Variants in LY6G6C observed in about 807,000 individuals in gnomAD.
LY6G6C encodes lymphocyte antigen 6 family member G6C.
In LY6G6C, 12 loss-of-function variants were observed where a neutral mutation model predicts 12.8. The ratio of observed to expected loss-of-function variants is 0.94; its 90% CI spans 0.60 to 1.52. LY6G6C has a LOEUF of 1.52. Among genes scored for constraint, LY6G6C ranks in the 40% most tolerant of loss-of-function variants. The pLI is 0.00. For missense variants in LY6G6C, 125 were observed against 155.8 expected, an observed-to-expected ratio of 0.80 and a Z score of 1.05; for synonymous variants, 42 against 61.6, an observed-to-expected ratio of 0.68 and a Z score of 1.49.
rs1459274061 is a variant in LY6G6C, at chr6:31,720,249, C to CCTGGGGATA, written c.53-55_53-47dup. On this transcript the variant is annotated intron_variant, in intron 1 of 2. Coordinates refer to ENST00000375819, the MANE Select transcript of LY6G6C (RefSeq NM_025261.3). This position sits in a 1 kb window ranked among gnomAD's most constrained non-coding sequence, Gnocchi z 4.9. The stretch of plus-strand genomic sequence containing the variant: ...CTGAGGTGATGGGGTCTCTGACTTA[C>CCTGGGGATA]CTGGGGATAAGCTGAGCTGGGGGCA... 1 of 1,401,266 alleles carries CCTGGGGATA rather than the reference C, an allele frequency of 7.1e-7. No homozygotes were observed. Among genetic ancestry groups the CCTGGGGATA allele is most frequent in the East Asian group, 2.3e-5 (1 of 43,730 alleles). 86.8% of individuals were successfully genotyped at this position (1,401,266 alleles called of 1,614,324 possible). A position where few individuals can be genotyped will look rare whatever the true frequency, so the allele number is the denominator to read the frequency against.
Position 31,719,215 on chromosome 6 carries a change from A to G in LY6G6C, c.259T>C (p.Tyr87His), listed in dbSNP as rs1806646980. ...TCCTTGTTGCAGCAGGTGGTGTTAT[A>G]TGTCAGACCCAGCTTGCGGTTGGTT... ...NQTNRKLGLT[Y>H]NTTCCNKDNC... Residue 87 changes from tyrosine to histidine, a missense_variant, in exon 3 of 3, where the codon TAT (tyrosine) becomes CAT (histidine). By Grantham distance (83) the Tyr-to-His change is moderately conservative (BLOSUM62 2). Coordinates refer to ENST00000375819, the MANE Select transcript of LY6G6C (RefSeq NM_025261.3). 1.2e-6 allele frequency: 2 copies of G among 1,614,024 alleles called. No homozygotes were observed. Among genetic ancestry groups the G allele is most frequent in the African/African-American group, 1.3e-5 (1 of 74,904 alleles).
At chr6:31,719,969 G>A (rs1233705245) in intron 2 of LY6G6C, 124 bp downstream of exon 2, 11 of 653,124 alleles carry the variant, frequency 1.7e-5, no homozygotes, top group Non-Finnish European at 1.1e-5. Context: ...ACCATCTTTG[G>A]CCAAATATTA....
chr6:31,720,281 G>A lies in LY6G6C; in HGVS notation c.53-78C>T. On this transcript the variant is annotated intron_variant, in intron 1 of 2. Transcript: ENST00000375819. This position sits in a 1 kb window ranked among gnomAD's most constrained non-coding sequence, Gnocchi z 4.9. Reference sequence around the variant, plus strand: ...ATAAGCTGAGCTGGGGGCAGGGGTGGAGGGTGGAGAAGAGCCCATCCCGTA... The same window carrying A: ...ATAAGCTGAGCTGGGGGCAGGGGTGAAGGGTGGAGAAGAGCCCATCCCGTA... The A allele has an allele frequency of 9.7e-7, 1 of 1,030,998 alleles. No individual in the cohort carries two copies. The highest frequency in any genetic ancestry group is 1.3e-5 in the South Asian group (1 of 74,552). 63.9% of individuals were successfully genotyped at this position (1,030,998 alleles called of 1,614,324 possible).
chr6:31,719,548 G>GT (rs1806671977), intron 2 of LY6G6C, among the ~76,000 whole-genome samples: 1 of 151,714 alleles, frequency 6.6e-6, no homozygotes, highest in Non-Finnish European at 1.5e-5. Context: ...TTGTTTTTTT[G>GT]TTTTTTCCAA....
At chr6:31,721,114 G>A (rs1250953102) in intron 1 of LY6G6C, 3 of 155,278 alleles carry the variant, frequency 1.9e-5, no homozygotes, top group Non-Finnish European at 2.8e-5. Flanking sequence ...CCCAGGAGGG[G>A]AGTAGGGGGT....
rs761749993 is a variant in LY6G6C, at chr6:31,720,137, C to A, written c.119G>T (p.Arg40Leu). 1.9e-6 allele frequency: 3 copies of A among 1,612,942 alleles called. No individual in the cohort carries two copies. The highest frequency in any genetic ancestry group is 1.3e-5 in the African/African-American group (1 of 74,932). ...CAGGCATTGCTGTCCTGGCTCCAGG[C>A]GGCAGGACTGCCGGTCCACACAGCC... is the stretch of plus-strand genomic sequence containing the variant. ...VLGCVDRQSC[R>L]LEPGQQCLTT... Residue 40 changes from arginine (R) to leucine (L), a missense_variant, in exon 2 of 3, where the codon CGC becomes CTC. By Grantham distance (102) the Arg-to-Leu change is moderately radical. Transcript: ENST00000375819. The surrounding 1 kb of genome is among the most constrained non-coding windows in gnomAD (Gnocchi z 4.9).
chr6:31,720,031 C>T lies in LY6G6C; in HGVS notation c.163+62G>A. 1 of 1,173,886 alleles carries T rather than the reference C, an allele frequency of 8.5e-7. No individual in the cohort carries two copies. Among genetic ancestry groups the T allele is most frequent in the Non-Finnish European group, 1.3e-6 (1 of 787,918 alleles). The allele number at this position is 1,173,886 out of a possible 1,614,324, so 72.7% of individuals were successfully genotyped here. The stretch of plus-strand genomic sequence containing the variant: ...ATCTCAGTCTTAGACCCATTTGGGC[C>T]TCAGTCCTGGTCATAGAGGCTCCCA... On this transcript the variant is annotated intron_variant, in intron 2 of 2. Coordinates refer to ENST00000375819, the MANE Select transcript of LY6G6C (RefSeq NM_025261.3). The surrounding 1 kb of genome is among the most constrained non-coding windows in gnomAD (Gnocchi z 4.9).
chr6:31,719,775 G>A (rs1472688319), intron 2 of LY6G6C, among the ~76,000 whole-genome samples: 1 of 152,132 alleles, frequency 6.6e-6, no homozygotes, highest in Non-Finnish European at 1.5e-5. Context: ...GACCTCAAGT[G>A]ATCCAACCAC....
At chr6:31,719,483 C>T (rs192973944) in intron 2 of LY6G6C, among the ~76,000 whole-genome samples, 173 bp from the exon 3 acceptor site, 3 of 152,254 alleles carry the variant, frequency 2.0e-5, no homozygotes, top group Non-Finnish European at 2.9e-5. Context: ...CCCACCACTC[C>T]CCCAGTCCTG....
rs1806622468 is a variant in LY6G6C at position 31,718,806 on chromosome 6, C to A, written c.*290G>T. ...ACAACACAGAAGCCCCATTTCAGGC[C>A]CAGATCCCAATCCCTCCTCAAGTAG... On this transcript the variant is annotated 3_prime_UTR_variant, in exon 3 of 3. Coordinates refer to ENST00000375819, the MANE Select transcript of LY6G6C (RefSeq NM_025261.3). 1 of 498,042 alleles carries A rather than the reference C, an allele frequency of 2.0e-6. No homozygotes were observed. The highest frequency in any genetic ancestry group is 3.6e-6 in the Non-Finnish European group (1 of 279,536). 30.9% of individuals were successfully genotyped at this position (498,042 alleles called of 1,614,324 possible).
chr6:31,721,646 G>T lies in LY6G6C; in HGVS notation c.34C>A (p.Leu12Met), dbSNP rs764645100. Residue 12 changes from leucine (L) to methionine (M), a missense_variant, in exon 1 of 3, where the codon CTG becomes ATG. Leu to Met is a conservative substitution (Grantham distance 15). Coordinates refer to ENST00000375819, the MANE Select transcript of LY6G6C (RefSeq NM_025261.3). ...TGCTCACCTGAGACCCAGCAGAGCAGAACAGACAGGGTGAGCAGCATAAGG... is the reference window on the plus strand; with the variant it reads ...TGCTCACCTGAGACCCAGCAGAGCATAACAGACAGGGTGAGCAGCATAAGG... ...KALMLLTLSV[L>M]LCWVSADIRC... 8.1e-6 allele frequency: 13 copies of T among 1,613,934 alleles called. No individual in the cohort carries two copies. The highest frequency in any genetic ancestry group is 8.0e-5 in the African/African-American group (6 of 74,902).
At position 31,721,727 on chromosome 6, in the gene LY6G6C, A is replaced by G. The variant is rs745707757; in HGVS notation, c.-48T>C. On this transcript the variant is annotated 5_prime_UTR_variant, in exon 1 of 3. Transcript: ENST00000375819. ...GCAACCACAGCAGCTGATAGAGTAG[A>G]TTTTCAAGGATCCAGCTCTAGGAGT... 1 of 1,598,926 alleles carries G rather than the reference A, an allele frequency of 6.3e-7. No homozygotes were observed. Among genetic ancestry groups the G allele is most frequent in the South Asian group, 1.1e-5 (1 of 90,584 alleles).
intron 2 of LY6G6C, 25 bp from the exon 3 acceptor site, chr6:31,719,335 T>C (rs747199368): frequency 6.2e-7 from 1 of 1,607,850 alleles, no homozygotes; most frequent in South Asian, 1.1e-5. Context: ...GGGCAGGGAA[T>C]CGGCCAGGAT....
chr6:31,719,863 T>G (rs1440722898), intron 2 of LY6G6C, among the ~76,000 whole-genome samples: 1 of 152,120 alleles, frequency 6.6e-6, no homozygotes, highest in Non-Finnish European at 1.5e-5. Context: ...TTGAGGCCGT[T>G]TTCTCAGTAT....
intron 2 of LY6G6C, 101 bp from the exon 3 acceptor site, chr6:31,719,411 A>G: frequency 1.0e-6 from 1 of 971,526 alleles, no homozygotes; most frequent in South Asian, 1.4e-5. Context: ...CTTCCTTCCC[A>G]ACTCTGTCCC....
At chr6:31,719,994 C>T (rs916153914) in intron 2 of LY6G6C, 99 bp downstream of exon 2, 2 of 753,254 alleles carry the variant, frequency 2.7e-6, no homozygotes, top group Non-Finnish European at 4.6e-6. Context: ...TGCTATAATC[C>T]TCTGCTTCTC....
At position 31,720,452 on chromosome 6, in the gene LY6G6C, C is replaced by T. The variant is rs188732913; in HGVS notation, c.53-249G>A. Among the ~76,000 whole-genome samples, 15 of 152,220 alleles carry T rather than the reference C, an allele frequency of 9.9e-5. No homozygotes were observed. The highest frequency in any genetic ancestry group is 9.2e-4 in the Admixed American group (14 of 15,284). On this transcript the variant is annotated intron_variant, in intron 1 of 2. Transcript: ENST00000375819. The surrounding 1 kb of genome is among the most constrained non-coding windows in gnomAD (Gnocchi z 4.9). ...CTACATATCTTCCATCACTCCACCC[C>T]GTTTGGAGGTGAGTCAAGAGGGACA...
chr6:31,719,007 C>T lies in LY6G6C; in HGVS notation c.*89G>A, dbSNP rs917139149. ...TAAAGAAATGGGAGCTAGGGAGAGACGATTCTGTAAAGCCAGGGGATACAG... is the reference window on the plus strand; with the variant it reads ...TAAAGAAATGGGAGCTAGGGAGAGATGATTCTGTAAAGCCAGGGGATACAG... On this transcript the variant is annotated 3_prime_UTR_variant, in exon 3 of 3. Transcript: ENST00000375819. 35 of 1,130,658 alleles carry T rather than the reference C, an allele frequency of 3.1e-5. No individual in the cohort carries two copies. The highest frequency in any genetic ancestry group is 2.5e-4 in the Middle Eastern group (1 of 3,970). 70.0% of individuals were successfully genotyped at this position (1,130,658 alleles called of 1,614,324 possible). A position where few individuals can be genotyped will look rare whatever the true frequency, so the allele number is the denominator to read the frequency against.
In LY6G6C at chr6:31,719,178, C is replaced by T; in HGVS notation, c.296G>A (p.Ser99Asn). The change falls in exon 3 of 3, where the codon AGC becomes AAC. Residue 99 changes from serine (S) to asparagine (N), a missense_variant. Transcript: ENST00000375819. Reference protein sequence around the residue: ...TTCCNKDNCNSAGPRPTPALG... With the variant: ...TTCCNKDNCNNAGPRPTPALG... ...GGCTGGAGTGGGCCGGGGTCCTGCG[C>T]TGTTGCAGTTGTCCTTGTTGCAGCA... 6.2e-7 allele frequency: 1 copy of T among 1,614,094 alleles called. No homozygotes were observed. Among genetic ancestry groups the T allele is most frequent in the Non-Finnish European group, 8.5e-7 (1 of 1,180,006 alleles).
Sources: gnomAD v4.1 joint callset for allele counts (sites outside exome capture counted in the v4.1 genomes callset) on GRCh38, gnomAD v4.1.1 for gene constraint, Gnocchi (gnomAD v3.1) non-coding constraint, MANE v1.5 for transcripts, NCBI Gene and HGNC (gene_info 2026-07-23, HGNC 2026-07-21) for gene names.